Variants in IFT80 observed in about 807,000 individuals in gnomAD.
IFT80 encodes the protein intraflagellar transport protein 80 homolog.
In IFT80, 79 loss-of-function variants were observed where a neutral mutation model predicts 107.9. The ratio of observed to expected loss-of-function variants is 0.73; its 90% CI spans 0.61 to 0.88. IFT80 has a LOEUF of 0.88. IFT80 is among the 40% of genes least tolerant of loss of function. The probability of loss-of-function intolerance (pLI) is 0.00; values close to 1 mark genes in which losing one functional copy is unlikely to be tolerated. For missense variants in IFT80, 797 were observed against 914.2 expected (o/e 0.87, Z 1.65); for synonymous variants, 299 against 300.9 (o/e 0.99, Z 0.07).
chr3:160,314,029 A>G (rs768547987), intron 9 of IFT80, among the ~76,000 whole-genome samples: 6 of 152,168 alleles, frequency 3.9e-5, no homozygotes, highest in Non-Finnish European at 8.8e-5. Context: ...GACTCCTCAG[A>G]TTGACATAAG....
At chr3:160,366,254 T>A (rs1429733307) in intron 5 of IFT80, 102 bp from the exon 6 acceptor site, 2 of 795,064 alleles carry the variant, frequency 2.5e-6, no homozygotes, top group Non-Finnish European at 4.3e-6. Flanking sequence ...ATATGAGGTG[T>A]CATTTCATTT....
At chr3:160,338,300 T>C (rs1719641766) in intron 8 of IFT80, among the ~76,000 whole-genome samples, 1 of 152,130 alleles carries the variant, frequency 6.6e-6, no homozygotes, top group South Asian at 2.1e-4. Flanking sequence ...TGGCACCAAC[T>C]GCACAGAAAA....
chr3:160,260,900 T>C (rs1712770701), intron 19 of IFT80, among the ~76,000 whole-genome samples: 1 of 152,212 alleles, frequency 6.6e-6, no homozygotes, highest in African/African-American at 2.4e-5. Flanking sequence ...TTACAGAGAA[T>C]ATAGTGGCCA....
chr3:160,357,430 T>G (rs1169816922), intron 7 of IFT80, 59 bp downstream of exon 7: 21 of 905,716 alleles, frequency 2.3e-5, no homozygotes, highest in Non-Finnish European at 3.6e-5. Flanking sequence ...TATTCTTATA[T>G]GCTAAGTACT....
intron 8 of IFT80, among the ~76,000 whole-genome samples, chr3:160,324,426 C>T (rs1274697847): frequency 6.6e-6 from 1 of 152,078 alleles, no homozygotes. Flanking sequence ...AAAAGCTTAT[C>T]CACCATGATC....
At chr3:160,264,304 C>T (rs997027895) in intron 19 of IFT80, among the ~76,000 whole-genome samples, 18 of 148,080 alleles carry the variant, frequency 1.2e-4, no homozygotes, top group Admixed American at 1.0e-3. Context: ...GACAAGATTT[C>T]GCCATGTTGC....
At chr3:160,326,337 C>A (rs1447411030) in intron 8 of IFT80, among the ~76,000 whole-genome samples, 1 of 152,076 alleles carries the variant, frequency 6.6e-6, no homozygotes, top group African/African-American at 2.4e-5. Context: ...AGGTCTGCAT[C>A]ATCCTGATAC....
At chr3:160,396,639 A>C (rs541402292) in intron 1 of IFT80, among the ~76,000 whole-genome samples, 1 of 152,142 alleles carries the variant, frequency 6.6e-6, no homozygotes, top group Non-Finnish European at 1.5e-5. Flanking sequence ...TTGCAGATAG[A>C]GATTACTGAC....
At chr3:160,386,741 T>C (rs1280344738) in intron 1 of IFT80, among the ~76,000 whole-genome samples, 1 of 152,158 alleles carries the variant, frequency 6.6e-6, no homozygotes, top group Non-Finnish European at 1.5e-5. Context: ...TTCCTACATT[T>C]ACCCCTACAA....
At chr3:160,315,102 A>AGG (rs1431959206) in intron 9 of IFT80, among the ~76,000 whole-genome samples, 95 of 150,196 alleles carry the variant, frequency 6.3e-4, no homozygotes, top group African/African-American at 2.2e-3. Flanking sequence ...AAAGAGAGAG[A>AGG]GAAAGAAAGA....
intron 9 of IFT80, among the ~76,000 whole-genome samples, chr3:160,310,639 G>A (rs1717170320): frequency 6.7e-6 from 1 of 150,132 alleles, no homozygotes; most frequent in African/African-American, 2.4e-5. Flanking sequence ...AAACATTAAG[G>A]TACAAAACCC....
intron 8 of IFT80, chr3:160,343,796 T>C: frequency 2.9e-6 from 1 of 341,054 alleles, no homozygotes; most frequent in South Asian, 2.4e-5. Flanking sequence ...TTTATAGTCT[T>C]TCATCTGATG....
At chr3:160,384,426 T>C (rs1712772426) in intron 2 of IFT80, 138 bp downstream of exon 2, 1 of 1,364,704 alleles carries the variant, frequency 7.3e-7, no homozygotes, top group Non-Finnish European at 9.5e-7. Flanking sequence ...CTTAAATACT[T>C]TAAAACAATT....
At position 160,258,644 on chromosome 3, in the gene IFT80, GAAAA is replaced by G. The variant is rs58665245; in HGVS notation, c.2224-13_2224-10del. 5.9e-6 allele frequency: 9 copies of G among 1,514,150 alleles called. No individual in the cohort carries two copies. In the African/African-American group the frequency reaches 1.3e-4, roughly 21 times the overall value. The allele number at this position is 1,514,150 out of a possible 1,614,324, so 93.8% of individuals were successfully genotyped here. A position where few individuals can be genotyped will look rare whatever the true frequency, so the allele number is the denominator to read the frequency against. On this transcript the variant is annotated splice_polypyrimidine_tract_variant and intron_variant, in intron 19 of 19. Coordinates refer to ENST00000326448, the MANE Select transcript of IFT80 (RefSeq NM_020800.3). ...TCCCAATCTATTTGGAGCTGCAATA[GAAAA>G]AAAAAAGAAGAAATATGCTTAGATA...
Position 160,277,671 on chromosome 3 carries a change from CTAAAG to C in IFT80, c.1837-6_1837-2del, listed in dbSNP as rs780412409. ...CTAGACAAGCCCACATGGTTTGCTC[CTAAAG>C]TAAAGTATGAGAACAATTATCTTAA... On this transcript the variant is annotated splice_acceptor_variant and splice_polypyrimidine_tract_variant and intron_variant, in intron 16 of 19. Transcript: ENST00000326448. LOFTEE classifies it high-confidence loss of function. 14 of 1,609,456 alleles carry C rather than the reference CTAAAG, an allele frequency of 8.7e-6. No homozygotes were observed. Among genetic ancestry groups the C allele is most frequent in the African/African-American group, 2.7e-5 (2 of 74,846 alleles).
chr3:160,304,534 C>G (rs747597635), intron 10 of IFT80, among the ~76,000 whole-genome samples: 11 of 149,426 alleles, frequency 7.4e-5, no homozygotes, highest in Non-Finnish European at 1.6e-4. Context: ...TTCCCAGGTT[C>G]ACGCCATTCT....
At chr3:160,327,260 G>A (rs1376967442) in intron 8 of IFT80, among the ~76,000 whole-genome samples, 1 of 151,906 alleles carries the variant, frequency 6.6e-6, no homozygotes, top group Non-Finnish European at 1.5e-5. Flanking sequence ...CCAAAGCAAT[G>A]TATACATTAA....
intron 8 of IFT80, among the ~76,000 whole-genome samples, chr3:160,346,199 G>A (rs1337442567): frequency 6.6e-6 from 1 of 152,016 alleles, no homozygotes; most frequent in East Asian, 1.9e-4. Context: ...TGCATAGCAT[G>A]GTTAATAATA....
chr3:160,332,268 G>C (rs1265754375), intron 8 of IFT80, among the ~76,000 whole-genome samples: 1 of 152,192 alleles, frequency 6.6e-6, no homozygotes, highest in Non-Finnish European at 1.5e-5. Context: ...ATTACTCATA[G>C]ATCTAAGTGA....
Sources: allele counts gnomAD v4.1 joint callset (sites outside exome capture counted in the v4.1 genomes callset), GRCh38; gene constraint gnomAD v4.1.1; transcripts MANE v1.5; gene names NCBI Gene and HGNC (gene_info 2026-07-23, HGNC 2026-07-21).